APH1B: variants seen among roughly 807,000 people sequenced by gnomAD.
APH1B encodes gamma-secretase subunit APH-1B.
APH1B carries 27 observed loss-of-function variants against 28.2 expected under a neutral mutation model. The ratio of observed to expected loss-of-function variants is 0.96; its 90% CI spans 0.70 to 1.32. The LOEUF (loss-of-function observed/expected upper bound fraction) is 1.32, where lower values mean the gene tolerates loss of function less well. Ranked by LOEUF, APH1B falls within the 40% of genes most tolerant of loss-of-function variation. APH1B has a pLI of 0.00. For synonymous variants in APH1B, 141 were observed against 124.6 expected (o/e 1.13, Z -0.88); for missense variants, 305 against 313.6 (o/e 0.97, Z 0.21).
Position 63,301,686 on chromosome 15 carries a change from A to T in APH1B, c.479-659A>T, listed in dbSNP as rs148725913. 1.8e-3 allele frequency among the ~76,000 whole-genome samples: 279 copies of T among 152,086 alleles called. 5 individuals are homozygous for T. In the East Asian group the frequency reaches 0.045, roughly 25 times the overall value. ...AACTTCCGCCTCCCGGGTTCAAGTA[A>T]TTCTCCTGCCTGAGCCTCCCGAATA... On this transcript the variant is annotated intron_variant, in intron 4 of 5. Coordinates refer to ENST00000261879, the MANE Select transcript of APH1B (RefSeq NM_031301.4).
At chr15:63,298,945 G>A (rs2038596051) in intron 4 of APH1B, among the ~76,000 whole-genome samples, 1 of 151,862 alleles carries the variant, frequency 6.6e-6, no homozygotes, top group Non-Finnish European at 1.5e-5. Flanking sequence ...ATAATTTACG[G>A]AGGAGAGGTG....
intron 4 of APH1B, among the ~76,000 whole-genome samples, chr15:63,298,912 A>G (rs75053908): frequency 7.0e-6 from 1 of 141,992 alleles, no homozygotes; most frequent in Non-Finnish European, 1.5e-5. Context: ...AAAAAAAAAA[A>G]GGAGGAGGGT....
rs1267311005 is a variant in APH1B at position 63,306,868 on chromosome 15, T to C, written c.*1087T>C. The C allele has an allele frequency of 6.6e-6, 1 of 152,280 alleles. No individual in the cohort carries two copies. Among genetic ancestry groups the C allele is most frequent in the Admixed American group, 6.5e-5 (1 of 15,288 alleles). 9.4% of individuals were successfully genotyped at this position (152,280 alleles called of 1,614,324 possible). On this transcript the variant is annotated 3_prime_UTR_variant, in exon 6 of 6. Transcript: ENST00000261879. Reference sequence around the variant, plus strand: ...TCTTAAACTGCCAAATCTCACACTATTGCATAATCCATATGCTCTTTAGAT... The same window carrying C: ...TCTTAAACTGCCAAATCTCACACTACTGCATAATCCATATGCTCTTTAGAT...
At chr15:63,279,701 A>G (rs55968083) in intron 2 of APH1B, among the ~76,000 whole-genome samples, 1,686 of 152,322 alleles carry the variant, frequency 0.011, 41 homozygotes, top group African/African-American at 0.039. Flanking sequence ...GGTAAGTGTC[A>G]TGGAGACAAA....
intron 5 of APH1B, 74 bp from the exon 6 acceptor site, chr15:63,305,540 C>T: frequency 1.9e-6 from 3 of 1,540,884 alleles, no homozygotes; most frequent in Admixed American, 1.8e-5. Context: ...CCATGCTTCC[C>T]TTTATCTTTG....
chr15:63,294,799 C>T (rs1215682772), intron 4 of APH1B, among the ~76,000 whole-genome samples: 1 of 152,172 alleles, frequency 6.6e-6, no homozygotes, highest in Non-Finnish European at 1.5e-5. Context: ...AGATCAAAGT[C>T]CTTTGTTTCG....
intron 4 of APH1B, among the ~76,000 whole-genome samples, chr15:63,287,980 C>G (rs1367903567): frequency 1.3e-5 from 2 of 152,132 alleles, no homozygotes; most frequent in Non-Finnish European, 2.9e-5. Context: ...ATCATTTCAT[C>G]CAAATGATGC....
intron 4 of APH1B, among the ~76,000 whole-genome samples, chr15:63,296,869 A>T (rs1247097570): frequency 6.6e-6 from 1 of 152,022 alleles, no homozygotes; most frequent in Non-Finnish European, 1.5e-5. Flanking sequence ...CATGTAGGCC[A>T]GGATGGTCTT....
Position 63,297,120 on chromosome 15 carries a change from G to C in APH1B, c.479-5225G>C, listed in dbSNP as rs1026811529. Among the ~76,000 whole-genome samples, 5 of 152,314 alleles carry C rather than the reference G, an allele frequency of 3.3e-5. No homozygotes were observed. In the East Asian group the frequency reaches 9.6e-4, roughly 29 times the overall value. On this transcript the variant is annotated intron_variant, in intron 4 of 5. Transcript: ENST00000261879. The stretch of plus-strand genomic sequence containing the variant: ...ACTTGTTAGAATTATTCCGCTTTCT[G>C]ATTAATGTATTACAACATATAAAAA...
chr15:63,302,318 T>G, intron 4 of APH1B, 27 bp from the exon 5 acceptor site: 7 of 1,611,080 alleles, frequency 4.3e-6, no homozygotes, highest in Non-Finnish European at 5.9e-6. Flanking sequence ...CCTGTAGGAG[T>G]GACACTAATG....
rs534676376 is a variant in APH1B, at chr15:63,280,534, A to T, written c.284+1203A>T. On this transcript the variant is annotated intron_variant, in intron 2 of 5. Coordinates refer to ENST00000261879, the MANE Select transcript of APH1B (RefSeq NM_031301.4). The stretch of plus-strand genomic sequence containing the variant: ...CTTGCCAATATGCTAGGTTTTCTGT[A>T]TTTGTTACTCTTTGCTTTTAATACC... 3.9e-5 allele frequency among the ~76,000 whole-genome samples: 6 copies of T among 152,290 alleles called. No individual in the cohort carries two copies. In the East Asian group the frequency reaches 1.2e-3, roughly 29 times the overall value.
intron 3 of APH1B, 133 bp downstream of exon 3, chr15:63,286,761 C>T (rs2038451381): frequency 2.6e-6 from 2 of 766,566 alleles, no homozygotes; most frequent in East Asian, 5.9e-5. Context: ...TACATATTTG[C>T]TTATTATCCC....
At chr15:63,297,234 A>G (rs1321752329) in intron 4 of APH1B, among the ~76,000 whole-genome samples, 1 of 152,212 alleles carries the variant, frequency 6.6e-6, no homozygotes, top group African/African-American at 2.4e-5. Context: ...GCTTAAGAAT[A>G]TTAGAACAGG....
chr15:63,281,544 A>C (rs542491952), intron 2 of APH1B, among the ~76,000 whole-genome samples: 84 of 151,154 alleles, frequency 5.6e-4, no homozygotes, highest in Non-Finnish European at 7.6e-4. Context: ...GAAAAAAAAA[A>C]AAAAAAACAA....
At chr15:63,287,110 T>G in intron 3 of APH1B, 1 of 280,670 alleles carries the variant, frequency 3.6e-6, no homozygotes, top group Non-Finnish European at 6.7e-6. Flanking sequence ...GTAGACTCTG[T>G]TATCATAAAG....
At chr15:63,298,248 T>C (rs1429267830) in intron 4 of APH1B, among the ~76,000 whole-genome samples, 1 of 152,202 alleles carries the variant, frequency 6.6e-6, no homozygotes, top group Non-Finnish European at 1.5e-5. Context: ...TCTAGCTCTG[T>C]CACCCAGGCT....
At chr15:63,282,593 T>C (rs568559715) in intron 2 of APH1B, among the ~76,000 whole-genome samples, 1 of 152,206 alleles carries the variant, frequency 6.6e-6, no homozygotes, top group Non-Finnish European at 1.5e-5. Flanking sequence ...ACATACAGTT[T>C]AGACAACTCT....
chr15:63,280,066 A>T (rs535851147), intron 2 of APH1B, among the ~76,000 whole-genome samples: 7 of 152,134 alleles, frequency 4.6e-5, no homozygotes, highest in African/African-American at 7.2e-5. Context: ...CCAAAGTGTT[A>T]GGATTACAGG....
Position 63,305,659 on chromosome 15 carries a change from A to T in APH1B, c.652A>T (p.Ile218Leu). The T allele has an allele frequency of 6.2e-7, 1 of 1,614,212 alleles. No homozygotes were observed. The highest frequency in any genetic ancestry group is 8.5e-7 in the Non-Finnish European group (1 of 1,180,034). ...TGGAATAAACCTGGCGTCAGCATTT[A>T]TAATCCTGGTGCTCATGGGCACCTG... ...YYGINLASAF[I>L]ILVLMGTWAF... Residue 218 changes from isoleucine to leucine, a missense_variant, in exon 6 of 6, where the codon ATA becomes TTA. Ile to Leu is a conservative substitution (Grantham distance 5, BLOSUM62 2). Coordinates refer to ENST00000261879, the MANE Select transcript of APH1B (RefSeq NM_031301.4).
Sources: gnomAD v4.1 joint callset for allele counts (sites outside exome capture counted in the v4.1 genomes callset) on GRCh38, gnomAD v4.1.1 for gene constraint, MANE v1.5 for transcripts, NCBI Gene and HGNC (gene_info 2026-07-23, HGNC 2026-07-21) for gene names.